ABCF1: variants seen among roughly 807,000 people sequenced by gnomAD.
The protein encoded by ABCF1 is ATP-binding cassette sub-family F member 1.
Under a neutral mutation model 126.3 loss-of-function variants are expected in ABCF1, and 73 were observed. The ratio of observed to expected loss-of-function variants is 0.58; its 90% CI spans 0.48 to 0.70. The LOEUF is 0.70. Among genes scored for constraint, ABCF1 ranks in the 30% least tolerant of loss-of-function variants. ABCF1 has a pLI of 0.00. For missense variants in ABCF1, 786 were observed against 1,057.5 expected (o/e 0.74, Z 3.56); for synonymous variants, 345 against 396.4 (o/e 0.87, Z 1.54).
In ABCF1 at chr6:30,584,322, G is replaced by T; in HGVS notation, c.1233G>T (p.Arg411Ser). 1 of 1,613,120 alleles carries T rather than the reference G, an allele frequency of 6.2e-7. No individual in the cohort carries two copies. The highest frequency in any genetic ancestry group is 2.2e-5 in the East Asian group (1 of 44,880). ...LEQGDDTAAERLEKVYEELRA... is the reference protein window; with the variant it reads ...LEQGDDTAAESLEKVYEELRA... ...AAGGGGATGACACAGCTGCTGAGAG[G>T]CTAGAGAAGGTAGAGGAGATGGCGC... is the stretch of plus-strand genomic sequence containing the variant. Residue 411 changes from arginine (R) to serine (S), a missense_variant, in exon 13 of 25, where the codon AGG (arginine) becomes AGT (serine). Arg to Ser is a moderately radical substitution (Grantham distance 110). Coordinates refer to ENST00000326195, the MANE Select transcript of ABCF1 (RefSeq NM_001025091.2). The surrounding 1 kb of genome is among the most constrained non-coding windows in gnomAD (Gnocchi z 4.6).
intron 20 of ABCF1, among the ~76,000 whole-genome samples, chr6:30,588,778 A>G (rs1303845587): frequency 6.6e-6 from 1 of 152,108 alleles, no homozygotes; most frequent in Non-Finnish European, 1.5e-5. Context: ...TCCAGAGATT[A>G]GATCTTTAGA....
Position 30,583,722 on chromosome 6 carries a change from G to A in ABCF1, c.1016+14G>A. 1 of 1,613,898 alleles carries A rather than the reference G, an allele frequency of 6.2e-7. No homozygotes were observed. The highest frequency in any genetic ancestry group is 1.1e-5 in the South Asian group (1 of 91,074). ...AGGACCCAATGGGTGAGAAGAGGAG[G>A]GAGCTGGAGGCAAAAAAGGGCCTGG... On this transcript the variant is annotated intron_variant, in intron 11 of 24. Transcript: ENST00000326195. This position sits in a 1 kb window ranked among gnomAD's most constrained non-coding sequence, Gnocchi z 4.1.
Position 30,589,485 on chromosome 6 carries a change from C to T in ABCF1, c.2032-203C>T, listed in dbSNP as rs1220160195. On this transcript the variant is annotated intron_variant, in intron 20 of 24. Transcript: ENST00000326195. ...GGGTGTGGTGGCAGGCACCTGTATT[C>T]CCAGCTACTGGGGAGGCTGAGGCAG... The T allele has an allele frequency of 6.5e-6, 4 of 618,140 alleles. No individual in the cohort carries two copies. In the African/African-American group the frequency reaches 7.4e-5, roughly 11 times the overall value. 38.3% of individuals were successfully genotyped at this position (618,140 alleles called of 1,614,324 possible). A position where few individuals can be genotyped will look rare whatever the true frequency, so the allele number is the denominator to read the frequency against.
rs1239367154 is a variant in ABCF1 at position 30,584,303 on chromosome 6, A to T, written c.1214A>T (p.Asp405Val). 4.3e-6 allele frequency: 7 copies of T among 1,612,992 alleles called. No homozygotes were observed. The highest frequency in any genetic ancestry group is 5.9e-6 in the Non-Finnish European group (7 of 1,179,992). Reference protein sequence around the residue: ...RRLQGQLEQGDDTAAERLEKV... With the variant: ...RRLQGQLEQGVDTAAERLEKV... ...CTTCAGGGACAGCTGGAACAAGGGG[A>T]TGACACAGCTGCTGAGAGGCTAGAG... The change falls in exon 13 of 25, where the codon GAT becomes GTT. Residue 405 changes from aspartate (D) to valine (V), a missense_variant. Asp to Val is a radical substitution (Grantham distance 152). Coordinates refer to ENST00000326195, the MANE Select transcript of ABCF1 (RefSeq NM_001025091.2). This position sits in a 1 kb window ranked among gnomAD's most constrained non-coding sequence, Gnocchi z 4.6.
In ABCF1 at chr6:30,577,808, C is replaced by G; in HGVS notation, c.121-10C>G. On this transcript the variant is annotated splice_polypyrimidine_tract_variant and intron_variant, in intron 2 of 24. Coordinates refer to ENST00000326195, the MANE Select transcript of ABCF1 (RefSeq NM_001025091.2). ...AAACATGTTTACCTGTAGCTTAACTCCCTTTATAGTTCTTTGAAGAGCTGG... is the reference window on the plus strand; with the variant it reads ...AAACATGTTTACCTGTAGCTTAACTGCCTTTATAGTTCTTTGAAGAGCTGG... 2 of 1,613,302 alleles carry G rather than the reference C, an allele frequency of 1.2e-6. No homozygotes were observed. The highest frequency in any genetic ancestry group is 1.7e-6 in the Non-Finnish European group (2 of 1,179,724).
At position 30,586,061 on chromosome 6, in the gene ABCF1, C is replaced by A; in HGVS notation, c.1713+70C>A. On this transcript the variant is annotated intron_variant, in intron 17 of 24. Coordinates refer to ENST00000326195, the MANE Select transcript of ABCF1 (RefSeq NM_001025091.2). This position sits in a 1 kb window ranked among gnomAD's most constrained non-coding sequence, Gnocchi z 4.9. ...CTGGCAGTGGAGGAAGAAGGAGACT[C>A]TGGAACGCTGGCCTACATTTCAAGG... The A allele has an allele frequency of 6.3e-7, 1 of 1,591,166 alleles. No individual in the cohort carries two copies. The highest frequency in any genetic ancestry group is 1.1e-5 in the South Asian group (1 of 88,394).
chr6:30,582,559 A>G, intron 9 of ABCF1, 52 bp downstream of exon 9: 1 of 1,582,360 alleles, frequency 6.3e-7, no homozygotes, highest in Non-Finnish European at 8.7e-7. Context: ...AAATACTTCA[A>G]CTAGGGGACA....
At chr6:30,582,673 C>G (rs969436777) in intron 9 of ABCF1, among the ~76,000 whole-genome samples, 166 bp downstream of exon 9, 1 of 152,104 alleles carries the variant, frequency 6.6e-6, no homozygotes, top group African/African-American at 2.4e-5. Flanking sequence ...TGTCTGATGA[C>G]ATGGGCTGTT....
chr6:30,576,431 G>T (rs1310555268), intron 1 of ABCF1, among the ~76,000 whole-genome samples: 2 of 151,388 alleles, frequency 1.3e-5, no homozygotes, highest in Non-Finnish European at 3.0e-5. Flanking sequence ...GGGATTACAG[G>T]CGCCCGCCAC....
At chr6:30,580,117 T>TGG (rs1801731420) in intron 7 of ABCF1, 112 bp downstream of exon 7, 1 of 1,031,674 alleles carries the variant, frequency 9.7e-7, no homozygotes, top group African/African-American at 1.6e-5. Flanking sequence ...GAGGCCGAGG[T>TGG]GGGCGGATCA....
rs755602889 is a variant in ABCF1 at position 30,585,862 on chromosome 6, C to T, written c.1601-17C>T. On this transcript the variant is annotated splice_polypyrimidine_tract_variant and intron_variant, in intron 16 of 24. Coordinates refer to ENST00000326195, the MANE Select transcript of ABCF1 (RefSeq NM_001025091.2). ...AGAGGAGCAACCACTGATGCCTGGT[C>T]CCCTCTTCTGCCCCAGTGACCTTCA... 6.3e-6 allele frequency: 10 copies of T among 1,588,922 alleles called. No individual in the cohort carries two copies. Among genetic ancestry groups the T allele is most frequent in the African/African-American group, 1.3e-5 (1 of 74,336 alleles).
At chr6:30,577,529 G>A in intron 2 of ABCF1, 74 bp downstream of exon 2, 1 of 1,552,488 alleles carries the variant, frequency 6.4e-7, no homozygotes, top group Non-Finnish European at 8.8e-7. Context: ...ATGTGAAGGA[G>A]GTGGGAGGTC....
Position 30,582,463 on chromosome 6 carries a change from T to G in ABCF1, c.748T>G (p.Tyr250Asp). The change falls in exon 9 of 25, where the codon TAT becomes GAT. Residue 250 changes from tyrosine to aspartate, a missense_variant. Tyr to Asp is a radical substitution (Grantham distance 160). This residue lies in a region of ABCF1 where 322 missense variants were observed against 322.9 expected (regional missense o/e 1.00). Transcript: ENST00000326195. ...EGGESKADDPYAHLSKKEKKK... is the reference protein window; with the variant it reads ...EGGESKADDPDAHLSKKEKKK... Reference sequence around the variant, plus strand: ...AGGAGAGTCTAAGGCAGATGATCCCTATGCTCATCTTAGCAAAAAGGAGAA... The same window carrying G: ...AGGAGAGTCTAAGGCAGATGATCCCGATGCTCATCTTAGCAAAAAGGAGAA... 2 of 1,612,936 alleles carry G rather than the reference T, an allele frequency of 1.2e-6. No individual in the cohort carries two copies. Among genetic ancestry groups the G allele is most frequent in the Non-Finnish European group, 8.5e-7 (1 of 1,179,946 alleles).
rs1326685979 is a variant in ABCF1 at position 30,590,665 on chromosome 6, C to G, written c.2502C>G (p.Ala834=). 6.2e-7 allele frequency: 1 copy of G among 1,610,302 alleles called. No individual in the cohort carries two copies. The highest frequency in any genetic ancestry group is 8.5e-7 in the Non-Finnish European group (1 of 1,179,410). Residue 834 remains alanine, a synonymous_variant, in exon 25 of 25, where the codon GCC becomes GCG. Transcript: ENST00000326195. ...ACTACAAGCGGGAGGTGTTGGAGGC[C>G]CTGGGTGAAGTCATGGTCAGCCGGC... The part of the protein sequence containing the change: ...FEDYKREVLE[A]LGEVMVSRPR...
intron 7 of ABCF1, 129 bp from the exon 8 acceptor site, chr6:30,580,277 G>T: frequency 1.3e-6 from 1 of 761,944 alleles, no homozygotes; most frequent in Non-Finnish European, 2.0e-6. Context: ...AACCCGGGAG[G>T]TGGAGCTTGC....
In ABCF1 at chr6:30,583,073, A is replaced by G; in HGVS notation, c.800A>G (p.Tyr267Cys). Residue 267 changes from tyrosine to cysteine, a missense_variant, in exon 10 of 25, where the codon TAT becomes TGT. Tyr to Cys is a radical substitution (Grantham distance 194, BLOSUM62 -2). This residue lies in a region of ABCF1 where 322 missense variants were observed against 322.9 expected (regional missense o/e 1.00). Transcript: ENST00000326195. The surrounding 1 kb of genome is among the most constrained non-coding windows in gnomAD (Gnocchi z 4.1). Reference protein sequence around the residue: ...EKKKLKKQMEYERQVASLKAA... With the variant: ...EKKKLKKQMECERQVASLKAA... ...TTTTTCCTACCTTCTCAGATGGAGT[A>G]TGAGCGCCAAGTGGCTTCATTAAAA... 6.2e-7 allele frequency: 1 copy of G among 1,608,356 alleles called. No homozygotes were observed. The highest frequency in any genetic ancestry group is 1.3e-5 in the African/African-American group (1 of 74,968).
At chr6:30,581,398 CTT>C (rs71552010) in intron 8 of ABCF1, among the ~76,000 whole-genome samples, 10 of 84,868 alleles carry the variant, frequency 1.2e-4, no homozygotes, top group African/African-American at 3.8e-4. Context: ...GCTTCCTGAT[CTT>C]TTTTTTTTTT....
In ABCF1 at chr6:30,583,675, C is replaced by A. The variant is rs1801947916; in HGVS notation, c.983C>A (p.Ala328Asp). Reference protein sequence around the residue: ...LFVNADLYIVAGRRYGLVGPN... With the variant: ...LFVNADLYIVDGRRYGLVGPN... ...GTCAATGCAGACCTGTACATTGTAG[C>A]CGGCCGCCGCTACGGGCTGGTAGGA... The change falls in exon 11 of 25, where the codon GCC becomes GAC. Residue 328 changes from alanine (A) to aspartate (D), a missense_variant. Coordinates refer to ENST00000326195, the MANE Select transcript of ABCF1 (RefSeq NM_001025091.2). The surrounding 1 kb of genome is among the most constrained non-coding windows in gnomAD (Gnocchi z 4.1). The A allele has an allele frequency of 8.1e-6, 13 of 1,613,844 alleles. No individual in the cohort carries two copies. The highest frequency in any genetic ancestry group is 1.1e-5 in the Non-Finnish European group (13 of 1,179,898).
At position 30,589,816 on chromosome 6, in the gene ABCF1, T is replaced by G. The variant is rs1802344046; in HGVS notation, c.2075T>G (p.Phe692Cys). ...TCTCTTCTCGGGCAGAAAATTGGCTTCTTCAACCAGCAGTATGCAGAGCAG... is the reference window on the plus strand; with the variant it reads ...TCTCTTCTCGGGCAGAAAATTGGCTGCTTCAACCAGCAGTATGCAGAGCAG... ...MRKNHRLKIG[F>C]FNQQYAEQLR... is the part of the protein sequence containing the mutation. The change falls in exon 22 of 25, where the codon TTC (phenylalanine) becomes TGC (cysteine). Residue 692 changes from phenylalanine to cysteine, a missense_variant. By Grantham distance (205) the Phe-to-Cys change is radical. This residue lies in a region of ABCF1 where 288 missense variants were observed against 423.5 expected (regional missense o/e 0.68). Transcript: ENST00000326195. 1.2e-6 allele frequency: 2 copies of G among 1,614,134 alleles called. No individual in the cohort carries two copies. The highest frequency in any genetic ancestry group is 1.7e-6 in the Non-Finnish European group (2 of 1,180,022).
Sources: gnomAD v4.1 joint callset for allele counts (sites outside exome capture counted in the v4.1 genomes callset) on GRCh38, gnomAD v4.1.1 for gene constraint, gnomAD v4.1.1 regional missense constraint, Gnocchi (gnomAD v3.1) non-coding constraint, MANE v1.5 for transcripts, NCBI Gene and HGNC (gene_info 2026-07-23, HGNC 2026-07-21) for gene names.